SVEP1: variants seen among roughly 807,000 people sequenced by gnomAD.
SVEP1 encodes the protein sushi, von Willebrand factor type A, EGF and pentraxin domain-containing protein 1.
In SVEP1, 164 loss-of-function variants were observed where a neutral mutation model predicts 367.3. The observed-to-expected ratio is 0.45, with a 90% CI of 0.39 to 0.51. The LOEUF (loss-of-function observed/expected upper bound fraction) is 0.51, where lower values mean the gene tolerates loss of function less well. SVEP1 is among the 20% of genes least tolerant of loss of function. The pLI is 0.00. For missense variants in SVEP1, 4,117 were observed against 4,425.3 expected (o/e 0.93, Z 1.98); for synonymous variants, 1,666 against 1,611.6 (o/e 1.03, Z -0.81).
chr9:110,387,723 T>C (rs987125346), intron 41 of SVEP1, among the ~76,000 whole-genome samples: 4 of 152,128 alleles, frequency 2.6e-5, no homozygotes, highest in Non-Finnish European at 4.4e-5. Context: ...ACAGGGAGTA[T>C]GGATGAGCAG....
chr9:110,515,594 C>A (rs1829790024), intron 3 of SVEP1, among the ~76,000 whole-genome samples: 1 of 152,104 alleles, frequency 6.6e-6, no homozygotes, highest in African/African-American at 2.4e-5. Flanking sequence ...GCCACCGCGC[C>A]CGGCCTATGT....
chr9:110,374,757 A>C (rs985858062), intron 46 of SVEP1, among the ~76,000 whole-genome samples: 32 of 152,200 alleles, frequency 2.1e-4, no homozygotes, highest in African/African-American at 7.5e-4. Flanking sequence ...CCATTGAGGA[A>C]AGCAGTACGG....
intron 12 of SVEP1, among the ~76,000 whole-genome samples, chr9:110,480,074 T>A (rs1829162060): frequency 6.6e-6 from 1 of 152,206 alleles, no homozygotes; most frequent in African/African-American, 2.4e-5. Flanking sequence ...TCCTGGGAAT[T>A]TTTGAAAAAT....
intron 1 of SVEP1, among the ~76,000 whole-genome samples, chr9:110,573,747 CA>C (rs1191024604): frequency 6.6e-6 from 1 of 152,110 alleles, no homozygotes; most frequent in Non-Finnish European, 1.5e-5. Context: ...AACTTACAAA[CA>C]CATGGCAGGA....
Position 110,483,622 on chromosome 9 carries a change from C to T in SVEP1, c.2002G>A (p.Ala668Thr), listed in dbSNP as rs369953563. The T allele has an allele frequency of 3.2e-5, 52 of 1,612,100 alleles. No homozygotes were observed. The highest frequency in any genetic ancestry group is 5.5e-5 in the South Asian group (5 of 90,754). Reference sequence around the variant, plus strand: ...GAGAACTGAGGCTCATCCCAGCTTGCGGCATGTACCTTCTCCGAGACCTGG... The same window carrying T: ...GAGAACTGAGGCTCATCCCAGCTTGTGGCATGTACCTTCTCCGAGACCTGG... ...PVQVSEKVHA[A>T]SWDEPQFSDN... Residue 668 changes from alanine to threonine, a missense_variant, in exon 10 of 48, where the codon GCA becomes ACA. Ala to Thr is a moderately conservative substitution (Grantham distance 58). This residue lies in a region of SVEP1 where 2,174 missense variants were observed against 2,494.3 expected (regional missense o/e 0.87). Transcript: ENST00000374469.
At chr9:110,390,696 A>T (rs755612256) in intron 40 of SVEP1, among the ~76,000 whole-genome samples, 22 of 152,038 alleles carry the variant, frequency 1.4e-4, no homozygotes, top group Non-Finnish European at 2.6e-4. Context: ...TCCTGGCTGC[A>T]CACACGAATC....
At chr9:110,503,788 T>C (rs1242111879) in intron 5 of SVEP1, among the ~76,000 whole-genome samples, 1 of 152,144 alleles carries the variant, frequency 6.6e-6, no homozygotes, top group Non-Finnish European at 1.5e-5. Context: ...CCACAAATAT[T>C]CCTGCCAATC....
chr9:110,519,427 T>C (rs1181907720), intron 3 of SVEP1, among the ~76,000 whole-genome samples: 2 of 152,148 alleles, frequency 1.3e-5, no homozygotes, highest in Non-Finnish European at 2.9e-5. Context: ...TCTGAGTGAA[T>C]CTCCAGCATC....
Position 110,429,957 on chromosome 9 carries a change from C to T in SVEP1, c.5578G>A (p.Glu1860Lys), listed in dbSNP as rs1781110579. The T allele has an allele frequency of 6.2e-7, 1 of 1,612,906 alleles. No homozygotes were observed. The highest frequency in any genetic ancestry group is 8.5e-7 in the Non-Finnish European group (1 of 1,179,774). ...PAIPENGCIE[E>K]LAFTFGSKVT... is the part of the protein sequence containing the mutation. ...TTGCTGCCAAAAGTAAATGCTAACT[C>T]CTCAATGCAACCATTTTCTGGAATA... Residue 1860 changes from glutamate (E) to lysine (K), a missense_variant, in exon 34 of 48, where the codon GAG becomes AAG. Coordinates refer to ENST00000374469, the MANE Select transcript of SVEP1 (RefSeq NM_153366.4).
intron 1 of SVEP1, among the ~76,000 whole-genome samples, chr9:110,557,117 G>T (rs1830365502): frequency 6.6e-6 from 1 of 152,064 alleles, no homozygotes; most frequent in Non-Finnish European, 1.5e-5. Flanking sequence ...GCTGTTAATG[G>T]TTTTATATTT....
At chr9:110,413,402 GA>G (rs1370868070) in intron 36 of SVEP1, among the ~76,000 whole-genome samples, 2 of 116,720 alleles carry the variant, frequency 1.7e-5, no homozygotes, top group African/African-American at 3.3e-5. Context: ...GGGGTGGGGG[GA>G]GGGGGGAGGG....
chr9:110,457,547 C>A (rs975186105), intron 20 of SVEP1, among the ~76,000 whole-genome samples, 195 bp from the exon 21 acceptor site: 2 of 152,110 alleles, frequency 1.3e-5, no homozygotes, highest in African/African-American at 4.8e-5. Context: ...ATATATCATT[C>A]TTGGGTGATG....
At chr9:110,500,126 T>C (rs1331428851) in intron 6 of SVEP1, among the ~76,000 whole-genome samples, 1 of 152,198 alleles carries the variant, frequency 6.6e-6, no homozygotes, top group African/African-American at 2.4e-5. Flanking sequence ...AACACTCCAC[T>C]ATCATACTTC....
intron 11 of SVEP1, among the ~76,000 whole-genome samples, 174 bp downstream of exon 11, chr9:110,482,187 T>A (rs1177654583): frequency 6.6e-6 from 1 of 152,192 alleles, no homozygotes; most frequent in Admixed American, 6.5e-5. Context: ...GAGAAAACAT[T>A]TATATCTATC....
chr9:110,560,187 A>G (rs1300852468), intron 1 of SVEP1, among the ~76,000 whole-genome samples: 1 of 152,200 alleles, frequency 6.6e-6, no homozygotes, highest in Admixed American at 6.5e-5. Context: ...ACAATTGTCC[A>G]CAGTATTCAG....
chr9:110,475,012 G>GTA (rs1179550979), intron 14 of SVEP1, among the ~76,000 whole-genome samples: 5 of 150,318 alleles, frequency 3.3e-5, no homozygotes, highest in South Asian at 2.1e-4. Flanking sequence ...ATATAGTATG[G>GTA]TATATATATG....
chr9:110,511,488 CTTTTTTTTTTTTTTTTT>C (rs199993986), intron 5 of SVEP1, among the ~76,000 whole-genome samples: 10 of 77,574 alleles, frequency 1.3e-4, no homozygotes, highest in Admixed American at 5.6e-4. Context: ...GTGTCAGTAC[CTTTTTTTTTTTTTTTTT>C]TTTTTTTTTT....
chr9:110,557,967 A>T (rs1201254593), intron 1 of SVEP1, among the ~76,000 whole-genome samples: 1 of 152,138 alleles, frequency 6.6e-6, no homozygotes, highest in Admixed American at 6.5e-5. Flanking sequence ...TTGAAATGAG[A>T]CTATTGCAAC....
intron 40 of SVEP1, among the ~76,000 whole-genome samples, chr9:110,396,864 C>A (rs1291731543): frequency 6.8e-6 from 1 of 147,906 alleles, no homozygotes; most frequent in Non-Finnish European, 1.5e-5. Flanking sequence ...GCTTACCAAC[C>A]AAGAAAAGTC....
Sources: allele counts gnomAD v4.1 joint callset (sites outside exome capture counted in the v4.1 genomes callset), GRCh38; gene constraint gnomAD v4.1.1; regional missense constraint gnomAD v4.1.1; transcripts MANE v1.5; gene names NCBI Gene and HGNC (gene_info 2026-07-23, HGNC 2026-07-21).